Variants in AKT2 observed in about 807,000 individuals in gnomAD.
AKT2 encodes the protein AKT serine/threonine kinase 2.
A neutral mutation model predicts 58.6 loss-of-function variants in AKT2; 16 were observed. The observed-to-expected ratio is 0.27, with a 90% confidence interval of 0.18 to 0.41. The LOEUF (loss-of-function observed/expected upper bound fraction) is 0.41, where lower values mean the gene tolerates loss of function less well. AKT2 is among the 10% of genes least tolerant of loss of function. The pLI, the probability that AKT2 is intolerant of heterozygous loss-of-function variation, is 1.00. For missense variants in AKT2, 438 were observed against 661.0 expected (o/e 0.66, Z 3.70); for synonymous variants, 253 against 254.0 (o/e 1.00, Z 0.04).
chr19:40,271,987 T>C (rs778740830), intron 1 of AKT2, among the ~76,000 whole-genome samples: 1 of 152,240 alleles, frequency 6.6e-6, no homozygotes, highest in Middle Eastern at 3.2e-3. Flanking sequence ...GGTCTGGTGC[T>C]ATATATTGGT....
At chr19:40,236,578 A>AC (rs966751866) in intron 9 of AKT2, 193 bp from the exon 10 acceptor site, 4 of 711,414 alleles carry the variant, frequency 5.6e-6, no homozygotes, top group Admixed American at 2.3e-5. Context: ...CCTCTGGCCC[A>AC]CCCCCATGGT....
At chr19:40,236,697 T>C in intron 9 of AKT2, 1 of 407,280 alleles carries the variant, frequency 2.5e-6, no homozygotes. Context: ...AGCTTTCTTC[T>C]ATTCTTTTTT....
intron 7 of AKT2, 128 bp downstream of exon 7, chr19:40,239,917 A>G (rs1350666645): frequency 8.5e-6 from 10 of 1,171,450 alleles, no homozygotes; most frequent in Admixed American, 3.4e-5. Flanking sequence ...GGCAGGGCGC[A>G]GCAACACCTT....
At chr19:40,260,856 G>A (rs766270330) in intron 2 of AKT2, among the ~76,000 whole-genome samples, 3 of 152,308 alleles carry the variant, frequency 2.0e-5, no homozygotes, top group East Asian at 1.9e-4. Flanking sequence ...GCTGAGGCAG[G>A]AGGATCACTT....
chr19:40,251,592 G>GA (rs1211572643), intron 4 of AKT2, among the ~76,000 whole-genome samples: 2 of 150,134 alleles, frequency 1.3e-5, no homozygotes, highest in South Asian at 2.1e-4. Flanking sequence ...TCTTGGGGAG[G>GA]AAAAAAAAAG....
intron 6 of AKT2, chr19:40,241,683 T>A (rs1204712053): frequency 1.9e-6 from 1 of 518,178 alleles, no homozygotes; most frequent in Non-Finnish European, 3.5e-6. Context: ...TGACAGTACC[T>A]GCTGGGTGGG....
Position 40,235,530 on chromosome 19 carries a change from G to T in AKT2, c.1176-180C>A. 1.4e-6 allele frequency: 1 copy of T among 693,658 alleles called. No homozygotes were observed. The highest frequency in any genetic ancestry group is 2.5e-6 in the Non-Finnish European group (1 of 392,232). The allele number at this position is 693,658 out of a possible 1,614,324, so 43.0% of individuals were successfully genotyped here. On this transcript the variant is annotated intron_variant, in intron 11 of 13. Transcript: ENST00000392038. The surrounding 1 kb of genome is among the most constrained non-coding windows in gnomAD (Gnocchi z 6.3). ...TCACGTGCCCAGGGTCAGAGCCAGG[G>T]AGTCAGCAACCCGGACCCACGTGTC...
chr19:40,265,549 C>A, intron 1 of AKT2, 198 bp from the exon 2 acceptor site: 2 of 686,478 alleles, frequency 2.9e-6, no homozygotes, highest in Non-Finnish European at 4.6e-6. Context: ...CGACCCCAAT[C>A]TGGGGGAAGC....
chr19:40,270,830 T>G (rs1257682386), intron 1 of AKT2: 1 of 152,008 alleles, frequency 6.6e-6, no homozygotes, highest in Non-Finnish European at 1.5e-5. Context: ...CTTGGTAACA[T>G]AGCAAGACCT....
intron 1 of AKT2, among the ~76,000 whole-genome samples, chr19:40,283,638 T>C (rs2077462969): frequency 6.6e-6 from 1 of 152,136 alleles, no homozygotes; most frequent in Non-Finnish European, 1.5e-5. Flanking sequence ...GCCAAGGTCA[T>C]GATCTGGCCT....
Position 40,235,840 on chromosome 19 carries a change from C to G in AKT2, c.1175+50G>C. The stretch of plus-strand genomic sequence containing the variant: ...CGCTGCCCCCTCCAGGCCGCAGGGA[C>G]AGTGGCAGCAGCTGGCGCTGGGCTG... On this transcript the variant is annotated intron_variant, in intron 11 of 13. Coordinates refer to ENST00000392038, the MANE Select transcript of AKT2 (RefSeq NM_001626.6). This position sits in a 1 kb window ranked among gnomAD's most constrained non-coding sequence, Gnocchi z 6.3. 2 of 1,559,920 alleles carry G rather than the reference C, an allele frequency of 1.3e-6. No individual in the cohort carries two copies. The highest frequency in any genetic ancestry group is 1.7e-6 in the Non-Finnish European group (2 of 1,152,932).
At chr19:40,275,952 T>C (rs936325966) in intron 1 of AKT2, among the ~76,000 whole-genome samples, 1 of 148,680 alleles carries the variant, frequency 6.7e-6, no homozygotes, top group Non-Finnish European at 1.5e-5. Context: ...GCGGCGGTTG[T>C]AGTGAGACAA....
At chr19:40,245,333 A>C (rs1246712234) in intron 4 of AKT2, among the ~76,000 whole-genome samples, 1 of 152,172 alleles carries the variant, frequency 6.6e-6, no homozygotes, top group Non-Finnish European at 1.5e-5. Flanking sequence ...GAGCCCAGGA[A>C]TTCCAGACCA....
In AKT2 at chr19:40,235,528, G is replaced by C. The variant is rs1973968943; in HGVS notation, c.1176-178C>G. ...GCTCACGTGCCCAGGGTCAGAGCCA[G>C]GGAGTCAGCAACCCGGACCCACGTG... On this transcript the variant is annotated intron_variant, in intron 11 of 13. Transcript: ENST00000392038. The surrounding 1 kb of genome is among the most constrained non-coding windows in gnomAD (Gnocchi z 6.3). 1.4e-6 allele frequency: 1 copy of C among 696,358 alleles called. No homozygotes were observed. The highest frequency in any genetic ancestry group is 2.5e-6 in the Non-Finnish European group (1 of 394,198). The allele number at this position is 696,358 out of a possible 1,614,324, so 43.1% of individuals were successfully genotyped here. A position where few individuals can be genotyped will look rare whatever the true frequency, so the allele number is the denominator to read the frequency against.
intron 4 of AKT2, among the ~76,000 whole-genome samples, chr19:40,246,563 G>C (rs1163637852): frequency 6.6e-6 from 1 of 152,162 alleles, no homozygotes; most frequent in Non-Finnish European, 1.5e-5. Context: ...ATATTAAAAA[G>C]GAAAATATGT....
Position 40,234,083 on chromosome 19 carries a change from C to CATTGCGGAGGGATGG in AKT2, c.1367-133_1367-132insCCATCCCTCCGCAAT. On this transcript the variant is annotated intron_variant, in intron 13 of 13. Transcript: ENST00000392038. This position sits in a 1 kb window ranked among gnomAD's most constrained non-coding sequence, Gnocchi z 4.7. ...ACAGGACAGGAAAGGCCCATCCCTCCGCAATGGAGGCCCTCAGCCACGGAC... is the reference window on the plus strand; with the variant it reads ...ACAGGACAGGAAAGGCCCATCCCTCCATTGCGGAGGGATGGGCAATGGAGGCCCTCAGCCACGGAC... 1 of 895,022 alleles carries CATTGCGGAGGGATGG rather than the reference C, an allele frequency of 1.1e-6. No individual in the cohort carries two copies. Among genetic ancestry groups the CATTGCGGAGGGATGG allele is most frequent in the Non-Finnish European group, 1.7e-6 (1 of 602,044 alleles). The allele number at this position is 895,022 out of a possible 1,614,324, so 55.4% of individuals were successfully genotyped here.
chr19:40,255,327 G>A (rs1322354160), intron 3 of AKT2, 58 bp from the exon 4 acceptor site: 3 of 1,441,000 alleles, frequency 2.1e-6, no homozygotes, highest in Admixed American at 3.4e-5. Flanking sequence ...CTAGCCTGCA[G>A]CCCAAAGTGC....
intron 9 of AKT2, chr19:40,236,648 A>G: frequency 3.8e-6 from 2 of 532,936 alleles, no homozygotes; most frequent in South Asian, 2.0e-5. Flanking sequence ...CACCGTCCCC[A>G]TTGTGAACTG....
At position 40,235,486 on chromosome 19, in the gene AKT2, C is replaced by T. The variant is rs1214179048; in HGVS notation, c.1176-136G>A. ...CAAACCACTTCACAGAGGAGGAAAC[C>T]GAGGCTCAGGGAGGGAGCTCACGTG... On this transcript the variant is annotated intron_variant, in intron 11 of 13. Transcript: ENST00000392038. The surrounding 1 kb of genome is among the most constrained non-coding windows in gnomAD (Gnocchi z 6.3). 8 of 860,796 alleles carry T rather than the reference C, an allele frequency of 9.3e-6. No individual in the cohort carries two copies. The highest frequency in any genetic ancestry group is 5.3e-5 in the East Asian group (2 of 37,836). 53.3% of individuals were successfully genotyped at this position (860,796 alleles called of 1,614,324 possible).
Sources: allele counts gnomAD v4.1 joint callset (sites outside exome capture counted in the v4.1 genomes callset), GRCh38; gene constraint gnomAD v4.1.1; non-coding constraint Gnocchi (gnomAD v3.1); transcripts MANE v1.5; gene names NCBI Gene and HGNC (gene_info 2026-07-23, HGNC 2026-07-21).